LRRC49: variants seen among roughly 807,000 people sequenced by gnomAD.
LRRC49 encodes the protein leucine-rich repeat-containing protein 49.
In LRRC49, 50 loss-of-function variants were observed where a neutral mutation model predicts 83.3. That is an observed-to-expected ratio of 0.60 (90% CI 0.48 to 0.76). The LOEUF (loss-of-function observed/expected upper bound fraction) is 0.76, where lower values mean the gene tolerates loss of function less well. LRRC49 is among the 30% of genes least tolerant of loss of function. The pLI is 0.00. For missense variants in LRRC49, 704 were observed against 809.1 expected (o/e 0.87, Z 1.58); for synonymous variants, 286 against 283.3 (o/e 1.01, Z -0.10).
chr15:70,891,893 G>A (rs574109123), upstream of LRRC49: 1 of 1,612,896 alleles, frequency 6.2e-7, no homozygotes, highest in South Asian at 1.1e-5. Flanking sequence ...ACAGGAGACT[G>A]GACCTGGGGC....
At chr15:70,863,024 C>T (rs1471418391) in intron 1 of LRRC49, among the ~76,000 whole-genome samples, 1 of 152,328 alleles carries the variant, frequency 6.6e-6, no homozygotes, top group African/African-American at 2.4e-5. Flanking sequence ...ACCAAGCTGT[C>T]ACCCTGGCCT....
intron 1 of LRRC49, among the ~76,000 whole-genome samples, chr15:70,861,431 T>TTTTTGTGA (rs1364123751): frequency 6.7e-6 from 1 of 150,336 alleles, no homozygotes; most frequent in Non-Finnish European, 1.5e-5. Context: ...TCCTTCTTCT[T>TTTTTGTGA]CTCTCCCTTC....
At chr15:70,995,491 C>T (rs2038045506) in intron 11 of LRRC49, among the ~76,000 whole-genome samples, 1 of 152,058 alleles carries the variant, frequency 6.6e-6, no homozygotes. Context: ...CCGTTGAAGC[C>T]ATTATTATAG....
upstream of LRRC49, among the ~76,000 whole-genome samples, chr15:70,887,475 C>T (rs2033440838): frequency 6.6e-6 from 1 of 152,040 alleles, no homozygotes; most frequent in African/African-American, 2.4e-5. Flanking sequence ...CATTTTAAAA[C>T]CAATCAATAT....
chr15:71,034,243 CAAAAG>C (rs2039449605), intron 14 of LRRC49, among the ~76,000 whole-genome samples: 1 of 152,018 alleles, frequency 6.6e-6, no homozygotes, highest in African/African-American at 2.4e-5. Flanking sequence ...AGACACTTCT[CAAAAG>C]AAGAGATTTA....
intron 1 of LRRC49, chr15:70,854,192 G>A: frequency 1.2e-6 from 1 of 836,638 alleles, no homozygotes; most frequent in East Asian, 4.5e-5. Context: ...GAGCGCGCCT[G>A]CCGCTCGGCC....
intron 11 of LRRC49, among the ~76,000 whole-genome samples, chr15:70,987,443 C>T (rs2037669474): frequency 6.6e-6 from 1 of 152,202 alleles, no homozygotes; most frequent in Non-Finnish European, 1.5e-5. Flanking sequence ...GTAGTATTCT[C>T]TGATGGCAAT....
At chr15:70,979,925 A>G (rs1199312310) in intron 9 of LRRC49, among the ~76,000 whole-genome samples, 176 bp from the exon 10 acceptor site, 1 of 152,146 alleles carries the variant, frequency 6.6e-6, no homozygotes, top group Non-Finnish European at 1.5e-5. Context: ...GATTTTTAGC[A>G]TTAAGAGGAA....
chr15:70,992,606 G>A (rs778954324), intron 11 of LRRC49, among the ~76,000 whole-genome samples: 7 of 152,250 alleles, frequency 4.6e-5, no homozygotes, highest in Non-Finnish European at 1.0e-4. Context: ...ATCAGCAGCA[G>A]AGGCTGCAGA....
intron 10 of LRRC49, 119 bp downstream of exon 10, chr15:70,980,303 C>A: frequency 1.7e-6 from 1 of 600,964 alleles, no homozygotes; most frequent in Non-Finnish European, 2.8e-6. Flanking sequence ...TTGTTCCTAT[C>A]AACAGAATGT....
At chr15:70,923,276 G>A (rs946430755) in intron 7 of LRRC49, among the ~76,000 whole-genome samples, 12 of 151,860 alleles carry the variant, frequency 7.9e-5, no homozygotes, top group Admixed American at 1.3e-4. Flanking sequence ...GTACTTTAAC[G>A]TTTGCTGAGG....
intron 1 of LRRC49, chr15:70,854,068 CT>C: frequency 7.3e-7 from 1 of 1,377,316 alleles, no homozygotes; most frequent in Non-Finnish European, 9.5e-7. Flanking sequence ...CGGGCCGAGC[CT>C]CCCCGCCGGA....
intron 1 of LRRC49, among the ~76,000 whole-genome samples, chr15:70,856,566 G>C (rs143816771): frequency 4.5e-4 from 69 of 152,274 alleles, no homozygotes; most frequent in African/African-American, 1.6e-3. Context: ...GAAATCAAAT[G>C]CAAAACTTGC....
At chr15:70,970,181 C>T (rs1299150118) in intron 9 of LRRC49, among the ~76,000 whole-genome samples, 2 of 152,150 alleles carry the variant, frequency 1.3e-5, no homozygotes, top group East Asian at 1.9e-4. Context: ...GTGTTTTTAG[C>T]ATGAAGCGGT....
At chr15:70,893,059 A>G (rs1200235773) in intron 1 of LRRC49, 117 bp downstream of exon 1, 1 of 1,171,656 alleles carries the variant, frequency 8.5e-7, no homozygotes. Context: ...TACTCAAGCT[A>G]TTGTCTGACC....
chr15:70,992,101 T>G (rs1382925119), intron 11 of LRRC49, among the ~76,000 whole-genome samples: 1 of 152,240 alleles, frequency 6.6e-6, no homozygotes, highest in Non-Finnish European at 1.5e-5. Flanking sequence ...GTTGATTGAA[T>G]TGGCTGCTGA....
intron 6 of LRRC49, among the ~76,000 whole-genome samples, chr15:70,917,187 G>A (rs1425619439): frequency 6.6e-6 from 1 of 152,188 alleles, no homozygotes; most frequent in South Asian, 2.1e-4. Flanking sequence ...TGGCCTGCAG[G>A]TGCCCCTTCA....
intron 3 of LRRC49, among the ~76,000 whole-genome samples, chr15:70,896,468 G>C (rs1021335042): frequency 6.6e-6 from 1 of 152,100 alleles, no homozygotes; most frequent in Non-Finnish European, 1.5e-5. Context: ...AGCGGGATTT[G>C]GAAATGTGCA....
intron 9 of LRRC49, among the ~76,000 whole-genome samples, chr15:70,968,346 A>G (rs1159592064): frequency 3.9e-5 from 6 of 152,270 alleles, no homozygotes; most frequent in African/African-American, 1.4e-4. Context: ...ATAGTATTCC[A>G]TGGTGTATAC....
Sources: gnomAD v4.1 joint callset for allele counts (sites outside exome capture counted in the v4.1 genomes callset) on GRCh38, gnomAD v4.1.1 for gene constraint, MANE v1.5 for transcripts, NCBI Gene and HGNC (gene_info 2026-07-23, HGNC 2026-07-21) for gene names.